ASTN2: variants seen among roughly 807,000 people sequenced by gnomAD.
The protein encoded by ASTN2 is astrotactin 2.
A neutral mutation model predicts 139.8 loss-of-function variants in ASTN2; 54 were observed. The ratio of observed to expected loss-of-function variants is 0.39; its 90% CI spans 0.31 to 0.48. ASTN2 has a LOEUF of 0.48. Among genes scored for constraint, ASTN2 ranks in the 20% least tolerant of loss-of-function variants. The pLI is 0.95. For synonymous variants in ASTN2, 756 were observed against 719.5 expected (o/e 1.05, Z -0.81); for missense variants, 1,565 against 1,725.1 (o/e 0.91, Z 1.64).
At chr9:116,664,976 G>C (rs761319336) in intron 16 of ASTN2, among the ~76,000 whole-genome samples, 28 of 152,136 alleles carry the variant, frequency 1.8e-4, no homozygotes, top group Admixed American at 1.2e-3. Context: ...ATGGCTTGGT[G>C]CTCTCCCTGT....
chr9:116,441,575 A>G (rs1847840804), intron 21 of ASTN2, among the ~76,000 whole-genome samples: 1 of 152,098 alleles, frequency 6.6e-6, no homozygotes, highest in Non-Finnish European at 1.5e-5. Flanking sequence ...TTATCAGGAA[A>G]ATGTTTCGAA....
intron 10 of ASTN2, among the ~76,000 whole-genome samples, chr9:116,928,478 TCCTC>T (rs1834818036): frequency 6.6e-6 from 1 of 152,160 alleles, no homozygotes; most frequent in South Asian, 2.1e-4. Context: ...TAACAGCTGT[TCCTC>T]CCCTAACCTT....
intron 1 of ASTN2, among the ~76,000 whole-genome samples, chr9:117,410,690 G>A (rs1480508477): frequency 2.0e-5 from 3 of 151,996 alleles, no homozygotes; most frequent in Non-Finnish European, 4.4e-5. Flanking sequence ...ATCCTCCAAG[G>A]CCTAGTTCAG....
intron 3 of ASTN2, among the ~76,000 whole-genome samples, chr9:117,169,177 C>T (rs961130218): frequency 8.0e-5 from 12 of 149,552 alleles, no homozygotes; most frequent in African/African-American, 2.5e-4. Flanking sequence ...ATCTCTCTTG[C>T]CTGAGGGAAA....
chr9:117,054,347 TCCCTTC>T (rs1307436623), intron 5 of ASTN2, among the ~76,000 whole-genome samples: 1 of 152,158 alleles, frequency 6.6e-6, no homozygotes, highest in Admixed American at 6.5e-5. Context: ...CTGGAGCAAA[TCCCTTC>T]CCCTGGCTGG....
At chr9:116,855,889 G>T (rs959381940) in intron 11 of ASTN2, among the ~76,000 whole-genome samples, 1 of 152,062 alleles carries the variant, frequency 6.6e-6, no homozygotes, top group Admixed American at 6.5e-5. Context: ...CTATATATCC[G>T]TATCAGTAAT....
At chr9:116,498,965 GAGATT>G (rs1205100131) in intron 19 of ASTN2, among the ~76,000 whole-genome samples, 2 of 152,130 alleles carry the variant, frequency 1.3e-5, no homozygotes, top group African/African-American at 4.8e-5. Flanking sequence ...ATGTATTCCT[GAGATT>G]AGAGCTTCCA....
At chr9:116,552,078 G>C (rs951321679) in intron 19 of ASTN2, 3 of 152,062 alleles carry the variant, frequency 2.0e-5, no homozygotes, top group African/African-American at 7.2e-5. Context: ...TAAAGCAAAG[G>C]CATCCATGAA....
intron 13 of ASTN2, among the ~76,000 whole-genome samples, chr9:116,743,554 C>T (rs1480961180): frequency 6.6e-6 from 1 of 152,148 alleles, no homozygotes; most frequent in African/African-American, 2.4e-5. Flanking sequence ...CTCTGTCGCC[C>T]AGGCTGGAGT....
chr9:116,814,555 G>GA lies in ASTN2; in HGVS notation c.2207+6061dup, dbSNP rs377143754. 1.0e-3 allele frequency among the ~76,000 whole-genome samples: 147 copies of GA among 147,104 alleles called. 1 individual carries two copies. The highest frequency in any genetic ancestry group is 3.4e-3 in the African/African-American group (136 of 40,172). ...TACATAACACTAAGAAAGAAACAAG[G>GA]AAAAAAAAAAGACTGCCAAATAAAC... On this transcript the variant is annotated intron_variant, in intron 12 of 22. Coordinates refer to ENST00000313400, the MANE Select transcript of ASTN2 (RefSeq NM_001365068.1).
chr9:116,537,162 G>T (rs1479422655), intron 19 of ASTN2, among the ~76,000 whole-genome samples: 7 of 152,218 alleles, frequency 4.6e-5, no homozygotes, highest in Admixed American at 4.6e-4. Flanking sequence ...AGCCACGTGC[G>T]GGATATAATC....
At chr9:116,444,920 C>T (rs1390203311) in intron 20 of ASTN2, among the ~76,000 whole-genome samples, 9 of 152,124 alleles carry the variant, frequency 5.9e-5, no homozygotes, top group Non-Finnish European at 1.0e-4. Context: ...AGAACAAGAT[C>T]ATAAATAAAT....
At chr9:116,612,878 T>A in intron 19 of ASTN2, 3 of 138,100 alleles carry the variant, frequency 2.2e-5, no homozygotes, top group Admixed American at 7.8e-5. Flanking sequence ...AGAGCAGAAC[T>A]GAAGGAGATA....
intron 20 of ASTN2, among the ~76,000 whole-genome samples, chr9:116,450,022 C>A (rs1265857305): frequency 1.3e-5 from 2 of 152,164 alleles, no homozygotes; most frequent in African/African-American, 2.4e-5. Context: ...GATCCATGAG[C>A]AAAATCAAAT....
intron 20 of ASTN2, among the ~76,000 whole-genome samples, chr9:116,483,524 T>C (rs1314548608): frequency 2.0e-5 from 3 of 151,646 alleles, no homozygotes; most frequent in Non-Finnish European, 4.4e-5. Context: ...ACCAAGAAAC[T>C]GAGATACACT....
chr9:117,021,869 G>T (rs1564388691), intron 6 of ASTN2, among the ~76,000 whole-genome samples: 1 of 152,064 alleles, frequency 6.6e-6, no homozygotes, highest in African/African-American at 2.4e-5. Context: ...AATAAATGCT[G>T]GATAAATATT....
At chr9:117,369,787 A>G (rs1193602651) in intron 1 of ASTN2, among the ~76,000 whole-genome samples, 1 of 152,118 alleles carries the variant, frequency 6.6e-6, no homozygotes, top group Non-Finnish European at 1.5e-5. Context: ...CAGGAAGATC[A>G]TTTGGTACTT....
chr9:116,593,069 TG>T (rs2131736054), intron 19 of ASTN2, among the ~76,000 whole-genome samples: 1 of 152,318 alleles, frequency 6.6e-6, no homozygotes, highest in South Asian at 2.1e-4. Context: ...ACACATGAAT[TG>T]GAAGAGTGGG....
At chr9:117,160,887 G>A (rs1253671981) in intron 3 of ASTN2, among the ~76,000 whole-genome samples, 2 of 151,834 alleles carry the variant, frequency 1.3e-5, no homozygotes, top group African/African-American at 2.4e-5. Context: ...GATCATAATG[G>A]GAAGAGATGG....
Sources: allele counts gnomAD v4.1 joint callset (sites outside exome capture counted in the v4.1 genomes callset), GRCh38; gene constraint gnomAD v4.1.1; transcripts MANE v1.5; gene names NCBI Gene and HGNC (gene_info 2026-07-23, HGNC 2026-07-21).